CCDC171: variants seen among roughly 807,000 people sequenced by gnomAD.
CCDC171 encodes coiled-coil domain containing 171, also known as coiled-coil domain-containing protein 171.
CCDC171 carries 177 observed loss-of-function variants against 168.2 expected under a neutral mutation model. The observed-to-expected ratio is 1.05, with a 90% CI of 0.93 to 1.19. The LOEUF is 1.19. Among genes scored for constraint, CCDC171 ranks in the 50% most tolerant of loss-of-function variants. The pLI, the probability that CCDC171 is intolerant of heterozygous loss-of-function variation, is 0.00. For missense variants in CCDC171, 1,991 were observed against 1,539.0 expected, an observed-to-expected ratio of 1.29 and a Z score of -4.91; for synonymous variants, 687 against 540.8, an observed-to-expected ratio of 1.27 and a Z score of -3.75.
chr9:15,957,839 A>G (rs779502761), intron 25 of CCDC171, among the ~76,000 whole-genome samples: 41 of 152,158 alleles, frequency 2.7e-4, no homozygotes, highest in Non-Finnish European at 4.7e-4. Context: ...ATCTTTTGTC[A>G]TAGGCTTCTT....
upstream of CCDC171, among the ~76,000 whole-genome samples, chr9:16,041,593 A>AT (rs1205411715): frequency 1.3e-5 from 2 of 152,146 alleles, no homozygotes; most frequent in East Asian, 3.8e-4. Context: ...AAATGTTATT[A>AT]TTTTTTCTTT....
chr9:15,862,712 C>A (rs2061613233), intron 23 of CCDC171, among the ~76,000 whole-genome samples: 1 of 151,868 alleles, frequency 6.6e-6, no homozygotes, highest in Admixed American at 6.6e-5. Flanking sequence ...ATAAACTTGG[C>A]CAGAGCTTCT....
chr9:15,920,534 A>G, intron 25 of CCDC171, 112 bp downstream of exon 25: 1 of 735,892 alleles, frequency 1.4e-6, no homozygotes, highest in Non-Finnish European at 2.1e-6. Context: ...TTTAGGGTAA[A>G]TGATCAATCA....
At chr9:15,881,295 G>A (rs1353288434) in intron 24 of CCDC171, among the ~76,000 whole-genome samples, 2 of 152,214 alleles carry the variant, frequency 1.3e-5, no homozygotes, top group Non-Finnish European at 2.9e-5. Flanking sequence ...ACTAAGGTGC[G>A]TAGAAGAACT....
At chr9:15,732,014 C>T (rs1246064079) in intron 16 of CCDC171, among the ~76,000 whole-genome samples, 2 of 151,988 alleles carry the variant, frequency 1.3e-5, no homozygotes, top group Middle Eastern at 3.2e-3. Context: ...ATCTCTTCTA[C>T]TGTTTTCTCA....
chr9:15,803,376 T>G (rs1038881259), intron 21 of CCDC171, among the ~76,000 whole-genome samples: 5 of 150,614 alleles, frequency 3.3e-5, no homozygotes, highest in Non-Finnish European at 7.4e-5. Flanking sequence ...TTTTCTAGGG[T>G]TTTTTTTTGT....
chr9:15,605,634 C>T (rs2043169921), intron 6 of CCDC171, among the ~76,000 whole-genome samples: 1 of 150,310 alleles, frequency 6.7e-6, no homozygotes, highest in Non-Finnish European at 1.5e-5. Context: ...TTGCAGTGAG[C>T]CAAGGTCGCA....
rs543820768 is a variant in CCDC171, at chr9:15,716,290, A to G, written c.1319-5479A>G. Among the ~76,000 whole-genome samples the G allele has an allele frequency of 1.4e-3, 216 of 152,268 alleles. 1 individual carries two copies. Among genetic ancestry groups the G allele is most frequent in the African/African-American group, 5.1e-3 (211 of 41,542 alleles). On this transcript the variant is annotated intron_variant, in intron 11 of 25. Coordinates refer to ENST00000380701, the MANE Select transcript of CCDC171 (RefSeq NM_173550.4). ...TTTGGAATTTCACTTTTGAAAAGCTAATTATGATCACTGTTCAGATCTTTT... is the reference window on the plus strand; with the variant it reads ...TTTGGAATTTCACTTTTGAAAAGCTGATTATGATCACTGTTCAGATCTTTT...
intron 25 of CCDC171, among the ~76,000 whole-genome samples, chr9:15,935,305 G>A (rs1287262422): frequency 1.3e-5 from 2 of 151,980 alleles, no homozygotes; most frequent in Non-Finnish European, 2.9e-5. Context: ...TTGAGTTCTA[G>A]AGCAAACTTT....
At chr9:16,006,070 C>G (rs1832686817) in intron 3 of CCDC171, among the ~76,000 whole-genome samples, 1 of 152,076 alleles carries the variant, frequency 6.6e-6, no homozygotes, top group African/African-American at 2.4e-5. Context: ...CCATTTTGAC[C>G]AGGCTGGTCT....
intron 25 of CCDC171, among the ~76,000 whole-genome samples, chr9:15,961,736 A>C (rs2132647042): frequency 6.6e-6 from 1 of 152,280 alleles, no homozygotes; most frequent in East Asian, 1.9e-4. Flanking sequence ...CAGTATATAT[A>C]AATATGTATA....
chr9:15,597,296 T>C (rs1347992301), intron 6 of CCDC171, among the ~76,000 whole-genome samples: 5 of 152,148 alleles, frequency 3.3e-5, no homozygotes, highest in African/African-American at 9.7e-5. Flanking sequence ...CATAAAGAGC[T>C]CTTATTATTT....
chr9:15,944,316 A>G (rs932593047), intron 25 of CCDC171, among the ~76,000 whole-genome samples: 2 of 151,998 alleles, frequency 1.3e-5, no homozygotes, highest in African/African-American at 4.8e-5. Flanking sequence ...ACTGGAAAGT[A>G]TCTTTCAGGT....
chr9:15,948,563 G>T (rs1828708902), intron 25 of CCDC171, among the ~76,000 whole-genome samples: 1 of 151,844 alleles, frequency 6.6e-6, no homozygotes. Context: ...GATTTGCATT[G>T]CTCTGATGGC....
intron 8 of CCDC171, among the ~76,000 whole-genome samples, chr9:16,037,141 G>A (rs1389083387): frequency 6.6e-6 from 1 of 152,152 alleles, no homozygotes. Context: ...TAGAAGAGAG[G>A]ATTTTGAATG....
intron 1 of CCDC171, among the ~76,000 whole-genome samples, chr9:16,059,652 C>G (rs1833901295): frequency 6.7e-6 from 1 of 149,818 alleles, no homozygotes; most frequent in South Asian, 2.1e-4. Context: ...GTAGCTGGGA[C>G]TACAGGCGCC....
intron 6 of CCDC171, among the ~76,000 whole-genome samples, chr9:15,596,620 C>G (rs1312004370): frequency 6.6e-6 from 1 of 151,772 alleles, no homozygotes; most frequent in Non-Finnish European, 1.5e-5. Flanking sequence ...ATTGACTTGG[C>G]AATGTGGGCT....
intron 3 of CCDC171, among the ~76,000 whole-genome samples, chr9:16,005,174 T>C (rs531902797): frequency 6.6e-6 from 1 of 152,216 alleles, no homozygotes; most frequent in African/African-American, 2.4e-5. Flanking sequence ...CCACTCCACC[T>C]GCCCTAGGCA....
At chr9:15,945,686 T>A (rs201095148) in intron 25 of CCDC171, among the ~76,000 whole-genome samples, 4 of 150,568 alleles carry the variant, frequency 2.7e-5, no homozygotes, top group African/African-American at 7.3e-5. Flanking sequence ...TTCTTTTGAG[T>A]AGTGTCTGTT....
Sources: gnomAD v4.1 joint callset for allele counts (sites outside exome capture counted in the v4.1 genomes callset) on GRCh38, gnomAD v4.1.1 for gene constraint, MANE v1.5 for transcripts, NCBI Gene and HGNC (gene_info 2026-07-23, HGNC 2026-07-21) for gene names.